CBLB: variants seen among roughly 807,000 people sequenced by gnomAD.
CBLB encodes the protein Cbl proto-oncogene B, also known as E3 ubiquitin-protein ligase CBL-B.
Under a neutral mutation model 104.9 loss-of-function variants are expected in CBLB, and 31 were observed. The ratio of observed to expected loss-of-function variants is 0.30; its 90% CI spans 0.22 to 0.40. The LOEUF (loss-of-function observed/expected upper bound fraction) is 0.40, where lower values mean the gene tolerates loss of function less well. CBLB is among the 10% of genes least tolerant of loss of function. The pLI is 1.00. For synonymous variants in CBLB, 440 were observed against 422.6 expected (o/e 1.04, Z -0.51); for missense variants, 1,062 against 1,214.6 (o/e 0.87, Z 1.87).
chr3:105,755,479 G>C (rs1326954799), intron 4 of CBLB, among the ~76,000 whole-genome samples: 1 of 143,252 alleles, frequency 7.0e-6, no homozygotes, highest in East Asian at 2.0e-4. Context: ...ATGGAAAATA[G>C]AAAGTGTGAG....
At chr3:105,831,827 G>A (rs565078662) in intron 3 of CBLB, among the ~76,000 whole-genome samples, 1 of 152,134 alleles carries the variant, frequency 6.6e-6, no homozygotes, top group South Asian at 2.1e-4. Flanking sequence ...ACATACCTCA[G>A]AACTGAAATT....
intron 18 of CBLB, among the ~76,000 whole-genome samples, chr3:105,665,140 C>T (rs950573320): frequency 2.6e-5 from 4 of 151,960 alleles, no homozygotes; most frequent in Admixed American, 6.6e-5. Flanking sequence ...CAGTGGCTCA[C>T]GCCTATAATC....
At chr3:105,708,515 C>T (rs985423703) in intron 10 of CBLB, among the ~76,000 whole-genome samples, 1 of 152,148 alleles carries the variant, frequency 6.6e-6, no homozygotes, top group South Asian at 2.1e-4. Context: ...ACTATCTAAG[C>T]TCTAATGCCA....
intron 10 of CBLB, among the ~76,000 whole-genome samples, chr3:105,716,026 G>A (rs1248371213): frequency 2.0e-5 from 3 of 152,064 alleles, no homozygotes; most frequent in African/African-American, 4.8e-5. Context: ...GCAACAAAGC[G>A]AGACTCCAGC....
At chr3:105,866,090 A>G (rs1198648410) in intron 2 of CBLB, among the ~76,000 whole-genome samples, 2 of 152,196 alleles carry the variant, frequency 1.3e-5, no homozygotes, top group African/African-American at 2.4e-5. Flanking sequence ...GCACTTTAAT[A>G]TAACAATTTG....
chr3:105,864,311 A>T (rs1402778040), intron 2 of CBLB, among the ~76,000 whole-genome samples: 1 of 152,200 alleles, frequency 6.6e-6, no homozygotes, highest in Non-Finnish European at 1.5e-5. Flanking sequence ...TCATATCCCC[A>T]GTAACGAGCA....
intron 12 of CBLB, among the ~76,000 whole-genome samples, chr3:105,694,056 A>C (rs1408660640): frequency 6.6e-6 from 1 of 152,008 alleles, no homozygotes; most frequent in African/African-American, 2.4e-5. Flanking sequence ...ATGAAACAGT[A>C]CATTAATATA....
chr3:105,860,726 C>T (rs748840763), intron 2 of CBLB, among the ~76,000 whole-genome samples: 1 of 152,062 alleles, frequency 6.6e-6, no homozygotes, highest in East Asian at 1.9e-4. Flanking sequence ...AAAATTAGAC[C>T]AAGGGCACTG....
intron 9 of CBLB, 118 bp from the exon 10 acceptor site, chr3:105,720,368 G>A: frequency 1.1e-6 from 1 of 880,180 alleles, no homozygotes; most frequent in Non-Finnish European, 1.8e-6. Flanking sequence ...TGGGGTAGGA[G>A]GTGGGGGAAG....
intron 3 of CBLB, among the ~76,000 whole-genome samples, chr3:105,816,892 TA>T (rs56317261): frequency 4.0e-4 from 59 of 148,578 alleles, no homozygotes; most frequent in Middle Eastern, 3.5e-3. Flanking sequence ...AAGTAATGTT[TA>T]AAAAAAAAAG....
At chr3:105,752,257 T>C (rs947367588) in intron 4 of CBLB, among the ~76,000 whole-genome samples, 1 of 152,252 alleles carries the variant, frequency 6.6e-6, no homozygotes, top group Admixed American at 6.5e-5. Context: ...TCTGACTGAA[T>C]ATCATTCGAC....
At chr3:105,767,963 C>G (rs2078414991) in intron 4 of CBLB, among the ~76,000 whole-genome samples, 2 of 152,124 alleles carry the variant, frequency 1.3e-5, no homozygotes, top group African/African-American at 4.8e-5. Context: ...ATCAATCAAG[C>G]AAGCAGGCTC....
At chr3:105,851,408 G>C (rs62256357) in intron 3 of CBLB, among the ~76,000 whole-genome samples, 303 of 152,142 alleles carry the variant, frequency 2.0e-3, no homozygotes, top group Admixed American at 3.9e-3. Context: ...TAGATCACGG[G>C]GCATTTTTAG....
At chr3:105,729,029 G>A (rs2074008934) in intron 9 of CBLB, among the ~76,000 whole-genome samples, 1 of 152,148 alleles carries the variant, frequency 6.6e-6, no homozygotes, top group African/African-American at 2.4e-5. Flanking sequence ...GCACACTGCT[G>A]AGCAGAGTAT....
At chr3:105,813,735 C>T (rs1218126125) in intron 3 of CBLB, among the ~76,000 whole-genome samples, 1 of 152,062 alleles carries the variant, frequency 6.6e-6, no homozygotes, top group African/African-American at 2.4e-5. Context: ...AGCAGCTATA[C>T]ATATGGAACC....
At chr3:105,786,352 G>C (rs1577185076) in intron 3 of CBLB, among the ~76,000 whole-genome samples, 1 of 152,002 alleles carries the variant, frequency 6.6e-6, no homozygotes. Context: ...GATGTTCTCT[G>C]ATAAACCTGA....
At chr3:105,743,870 T>A (rs2075858671) in intron 6 of CBLB, among the ~76,000 whole-genome samples, 1 of 152,140 alleles carries the variant, frequency 6.6e-6, no homozygotes, top group South Asian at 2.1e-4. Context: ...ATTTGTTATA[T>A]ATTATTTATT....
chr3:105,760,052 C>T (rs1235672516), intron 4 of CBLB, among the ~76,000 whole-genome samples: 1 of 152,182 alleles, frequency 6.6e-6, no homozygotes, highest in Non-Finnish European at 1.5e-5. Context: ...TATAAGATTG[C>T]AGGAACACAG....
chr3:105,863,392 T>C (rs904618671), intron 2 of CBLB, among the ~76,000 whole-genome samples: 4 of 152,164 alleles, frequency 2.6e-5, no homozygotes, highest in Non-Finnish European at 5.9e-5. Flanking sequence ...GTGGAACAAC[T>C]TCAGTGAGGA....
Sources: allele counts gnomAD v4.1 joint callset (sites outside exome capture counted in the v4.1 genomes callset), GRCh38; gene constraint gnomAD v4.1.1; transcripts MANE v1.5; gene names NCBI Gene and HGNC (gene_info 2026-07-23, HGNC 2026-07-21).